NAV2: variants seen among roughly 807,000 people sequenced by gnomAD.
NAV2 encodes helicase, APC down-regulated 1.
Under a neutral mutation model 223.2 loss-of-function variants are expected in NAV2, and 54 were observed. The ratio of observed to expected loss-of-function variants is 0.24; its 90% CI spans 0.19 to 0.30. The LOEUF is 0.30. NAV2 is among the 10% of genes least tolerant of loss of function. The probability of loss-of-function intolerance (pLI) is 1.00; values close to 1 mark genes in which losing one functional copy is unlikely to be tolerated. For missense variants in NAV2, 2,806 were observed against 3,147.5 expected (o/e 0.89, Z 2.60); for synonymous variants, 1,279 against 1,239.3 (o/e 1.03, Z -0.67).
intron 1 of NAV2, among the ~76,000 whole-genome samples, chr11:19,434,217 T>C (rs1241148522): frequency 6.6e-6 from 1 of 152,176 alleles, no homozygotes; most frequent in Non-Finnish European, 1.5e-5. Flanking sequence ...ACTACAAATT[T>C]ATCCATGAAA....
intron 11 of NAV2, among the ~76,000 whole-genome samples, chr11:19,987,359 T>G (rs2403551): frequency 6.6e-6 from 1 of 152,112 alleles, no homozygotes; most frequent in African/African-American, 2.4e-5. Context: ...AAAGATAGCC[T>G]GGTCCTTTTT....
At chr11:19,807,227 A>G (rs2058619370) in intron 1 of NAV2, among the ~76,000 whole-genome samples, 1 of 152,214 alleles carries the variant, frequency 6.6e-6, no homozygotes, top group Admixed American at 6.5e-5. Context: ...TCACATGACA[A>G]ATTAGAATAT....
At chr11:19,469,053 G>GCA (rs1364199259) in intron 1 of NAV2, among the ~76,000 whole-genome samples, 4 of 152,168 alleles carry the variant, frequency 2.6e-5, no homozygotes, top group African/African-American at 7.2e-5. Flanking sequence ...AATGCACCTA[G>GCA]CATAGTACCT....
chr11:19,647,209 A>C (rs1403596271), intron 1 of NAV2, among the ~76,000 whole-genome samples: 6 of 152,182 alleles, frequency 3.9e-5, no homozygotes, highest in Non-Finnish European at 5.9e-5. Context: ...ATGTGCCTAC[A>C]TACTTTGTCC....
chr11:20,049,302 C>A, intron 15 of NAV2, 107 bp downstream of exon 15: 7 of 864,600 alleles, frequency 8.1e-6, no homozygotes, highest in Non-Finnish European at 1.2e-5. Context: ...TGTAAGATTT[C>A]TCTCTTTCTA....
chr11:19,804,870 G>A (rs548865370), intron 1 of NAV2, among the ~76,000 whole-genome samples: 130 of 152,296 alleles, frequency 8.5e-4, no homozygotes, highest in Non-Finnish European at 1.2e-3. Flanking sequence ...TGAGAAACCC[G>A]TAGGATCCCA....
chr11:19,394,281 T>C (rs1349632201), intron 1 of NAV2, among the ~76,000 whole-genome samples: 1 of 152,172 alleles, frequency 6.6e-6, no homozygotes, highest in Non-Finnish European at 1.5e-5. Flanking sequence ...TTTCTATTTC[T>C]CTTTTAGGTA....
intron 1 of NAV2, among the ~76,000 whole-genome samples, chr11:19,705,297 G>A (rs1043563899): frequency 4.6e-5 from 7 of 152,194 alleles, no homozygotes; most frequent in African/African-American, 1.7e-4. Context: ...ATACCAGCTA[G>A]AGCCAACTGT....
At chr11:19,880,178 A>G in intron 5 of NAV2, 51 bp downstream of exon 5, 1 of 1,495,174 alleles carries the variant, frequency 6.7e-7, no homozygotes, top group Non-Finnish European at 8.9e-7. Context: ...ACCTTCCTCC[A>G]CCCCAACCAA....
chr11:20,109,773 T>TA (rs1341334711), intron 36 of NAV2, among the ~76,000 whole-genome samples: 4 of 152,202 alleles, frequency 2.6e-5, no homozygotes, highest in Non-Finnish European at 4.4e-5. Context: ...TCTTCTGGTG[T>TA]AGGAAGGGGA....
intron 1 of NAV2, among the ~76,000 whole-genome samples, chr11:19,581,532 A>G (rs903793013): frequency 3.3e-5 from 5 of 151,874 alleles, no homozygotes; most frequent in Non-Finnish European, 7.4e-5. Context: ...CCACCCCACA[A>G]CAGGCCCCAG....
At chr11:19,625,097 GA>G (rs1327680769) in intron 1 of NAV2, among the ~76,000 whole-genome samples, 1 of 152,008 alleles carries the variant, frequency 6.6e-6, no homozygotes, top group Admixed American at 6.6e-5. Flanking sequence ...CTAGCTAACC[GA>G]AACTATATAA....
chr11:19,402,523 C>G (rs1347816358), intron 1 of NAV2, among the ~76,000 whole-genome samples: 1 of 152,130 alleles, frequency 6.6e-6, no homozygotes. Flanking sequence ...CTTCATTGCA[C>G]TTATAGTGTA....
intron 1 of NAV2, among the ~76,000 whole-genome samples, chr11:19,625,980 G>T (rs2047158840): frequency 6.6e-6 from 1 of 152,100 alleles, no homozygotes; most frequent in East Asian, 1.9e-4. Flanking sequence ...CATTCTATAG[G>T]TTATATTTTT....
chr11:19,360,364 C>T (rs557053468), intron 1 of NAV2, among the ~76,000 whole-genome samples: 3 of 152,326 alleles, frequency 2.0e-5, no homozygotes, highest in Non-Finnish European at 4.4e-5. Flanking sequence ...ATTTTCCACC[C>T]ACTGATCCCC....
chr11:19,357,863 C>T (rs966279843), intron 1 of NAV2, among the ~76,000 whole-genome samples: 11 of 152,156 alleles, frequency 7.2e-5, no homozygotes, highest in African/African-American at 2.4e-4. Context: ...TTAGGTTAAA[C>T]CTTTGTAAGT....
intron 1 of NAV2, among the ~76,000 whole-genome samples, chr11:19,441,990 G>T (rs544300217): frequency 6.6e-6 from 1 of 152,352 alleles, no homozygotes; most frequent in East Asian, 1.9e-4. Context: ...TGGTTTAATT[G>T]TGCCTGCTCT....
At chr11:19,806,975 A>T (rs1313668494) in intron 1 of NAV2, among the ~76,000 whole-genome samples, 6 of 152,094 alleles carry the variant, frequency 3.9e-5, no homozygotes, top group Admixed American at 3.9e-4. Flanking sequence ...AAACCTACTG[A>T]CTCGCACACT....
At position 19,933,080 on chromosome 11, in the gene NAV2, T is replaced by A. The variant is rs1373820883; in HGVS notation, c.932-96T>A. The A allele has an allele frequency of 1.4e-6, 2 of 1,400,296 alleles. No homozygotes were observed. The highest frequency in any genetic ancestry group is 2.9e-5 in the African/African-American group (2 of 69,504). 86.7% of individuals were successfully genotyped at this position (1,400,296 alleles called of 1,614,324 possible). On this transcript the variant is annotated intron_variant, in intron 6 of 37. Coordinates refer to ENST00000349880, the MANE Select transcript of NAV2 (RefSeq NM_145117.5). This position sits in a 1 kb window ranked among gnomAD's most constrained non-coding sequence, Gnocchi z 4.3. ...CAATGGAGCTATACGGCATTTGGGTTGGGAGTGATTGGTTGTGTGGCCATG... is the reference window on the plus strand; with the variant it reads ...CAATGGAGCTATACGGCATTTGGGTAGGGAGTGATTGGTTGTGTGGCCATG...
Sources: gnomAD v4.1 joint callset for allele counts (sites outside exome capture counted in the v4.1 genomes callset) on GRCh38, gnomAD v4.1.1 for gene constraint, Gnocchi (gnomAD v3.1) non-coding constraint, MANE v1.5 for transcripts, NCBI Gene and HGNC (gene_info 2026-07-23, HGNC 2026-07-21) for gene names.